DAPK1: variants seen among roughly 807,000 people sequenced by gnomAD.
DAPK1 encodes death associated protein kinase 1.
In DAPK1, 56 loss-of-function variants were observed where a neutral mutation model predicts 144.9. The observed-to-expected ratio is 0.39, with a 90% confidence interval of 0.31 to 0.48. The LOEUF is 0.48. Among genes scored for constraint, DAPK1 ranks in the 20% least tolerant of loss-of-function variants. The pLI is 0.95. For synonymous variants in DAPK1, 690 were observed against 749.0 expected (o/e 0.92, Z 1.29); for missense variants, 1,454 against 1,875.4 (o/e 0.78, Z 4.15).
chr9:87,646,089 C>A, intron 12 of DAPK1, 75 bp downstream of exon 12: 3 of 1,520,762 alleles, frequency 2.0e-6, no homozygotes, highest in Non-Finnish European at 2.7e-6. Context: ...AGGAAAGACC[C>A]CATCTGCTTC....
chr9:87,637,810 C>A, intron 3 of DAPK1, 133 bp from the exon 4 acceptor site: 1 of 966,908 alleles, frequency 1.0e-6, no homozygotes, highest in Non-Finnish European at 1.5e-6. Flanking sequence ...AATTCTGAAT[C>A]CATGCTTGGC....
intron 3 of DAPK1, chr9:87,632,656 C>T: frequency 2.1e-6 from 2 of 946,336 alleles, no homozygotes; most frequent in Non-Finnish European, 2.5e-6. Flanking sequence ...GGATGAGTAC[C>T]TGTGTAGAAA....
At chr9:87,609,758 A>G (rs889298296) in intron 3 of DAPK1, among the ~76,000 whole-genome samples, 21 of 152,328 alleles carry the variant, frequency 1.4e-4, no homozygotes, top group Admixed American at 1.0e-3. Flanking sequence ...AGGAGGTAAT[A>G]GTGGCTGTGT....
At chr9:87,571,476 A>ACACACACCCCAACACAC (rs771023885) in intron 2 of DAPK1, among the ~76,000 whole-genome samples, 1 of 48,548 alleles carries the variant, frequency 2.1e-5, no homozygotes, top group Non-Finnish European at 3.7e-5. Context: ...CACACACACC[A>ACACACACCCCAACACAC]ACACACACAC....
chr9:87,589,205 G>A lies in DAPK1; in HGVS notation c.63-15749G>A, dbSNP rs372136927. 1.7e-3 allele frequency among the ~76,000 whole-genome samples: 259 copies of A among 151,894 alleles called. 1 individual carries two copies. The highest frequency in any genetic ancestry group is 6.0e-3 in the African/African-American group (250 of 41,428). On this transcript the variant is annotated intron_variant, in intron 2 of 25. Transcript: ENST00000408954. ...ATTACAGGCGTGAGCCACCGCAACC[G>A]GCCAGTACAGAGCATCTTAAGGTTG...
At chr9:87,664,484 C>T (rs1436339157) in intron 18 of DAPK1, among the ~76,000 whole-genome samples, 1 of 152,184 alleles carries the variant, frequency 6.6e-6, no homozygotes, top group Non-Finnish European at 1.5e-5. Flanking sequence ...TCCGTGGCAC[C>T]CACTCCTCCT....
intron 2 of DAPK1, among the ~76,000 whole-genome samples, chr9:87,587,041 C>T (rs917809976): frequency 6.6e-6 from 1 of 152,176 alleles, no homozygotes; most frequent in East Asian, 1.9e-4. Context: ...ATATCCTTAG[C>T]AAGATCAAAC....
At chr9:87,661,156 G>A (rs1830833082) in intron 18 of DAPK1, among the ~76,000 whole-genome samples, 1 of 152,178 alleles carries the variant, frequency 6.6e-6, no homozygotes, top group South Asian at 2.1e-4. Context: ...TTTTCTTAAT[G>A]GCCAAGTAGT....
intron 3 of DAPK1, among the ~76,000 whole-genome samples, chr9:87,610,044 C>A (rs924087706): frequency 2.0e-5 from 3 of 152,146 alleles, no homozygotes; most frequent in Non-Finnish European, 4.4e-5. Context: ...CTTTGCTGTC[C>A]TTTGTACAGA....
At chr9:87,522,433 C>A (rs1265428106) in intron 2 of DAPK1, among the ~76,000 whole-genome samples, 4 of 152,044 alleles carry the variant, frequency 2.6e-5, no homozygotes, top group African/African-American at 9.7e-5. Context: ...CATTGTTCTG[C>A]CTTTGGCTTT....
intron 2 of DAPK1, among the ~76,000 whole-genome samples, chr9:87,537,843 A>C (rs1406139123): frequency 1.3e-5 from 2 of 152,202 alleles, no homozygotes; most frequent in Middle Eastern, 3.2e-3. Flanking sequence ...CATAAAATCA[A>C]GCCCCTAAAG....
At chr9:87,645,836 G>C in intron 11 of DAPK1, 59 bp from the exon 12 acceptor site, 1 of 1,593,076 alleles carries the variant, frequency 6.3e-7, no homozygotes, top group South Asian at 1.1e-5. Context: ...CTTTTATGTT[G>C]GTAAGAAAAG....
chr9:87,683,077 T>TTTTA (rs201331358), intron 20 of DAPK1, among the ~76,000 whole-genome samples: 14 of 108,188 alleles, frequency 1.3e-4, no homozygotes, highest in South Asian at 7.6e-4. Flanking sequence ...AAAAAATTTA[T>TTTTA]TTTATTTATT....
chr9:87,591,907 A>G (rs186709558), intron 2 of DAPK1, among the ~76,000 whole-genome samples: 15 of 152,324 alleles, frequency 9.8e-5, no homozygotes, highest in African/African-American at 2.6e-4. Flanking sequence ...GCAGAGCCCT[A>G]TGGAAGTCAG....
intron 2 of DAPK1, among the ~76,000 whole-genome samples, chr9:87,585,649 C>T (rs951815171): frequency 1.3e-5 from 2 of 152,206 alleles, no homozygotes; most frequent in Non-Finnish European, 2.9e-5. Context: ...ATCTGAGTGA[C>T]TTCACAACTA....
intron 17 of DAPK1, among the ~76,000 whole-genome samples, chr9:87,653,369 C>CT (rs1361274791): frequency 2.0e-4 from 31 of 152,338 alleles, no homozygotes; most frequent in Admixed American, 1.8e-3. Context: ...TGGACATGTA[C>CT]TTTTTTATAG....
At chr9:87,699,963 C>A (rs1476826491) in intron 23 of DAPK1, among the ~76,000 whole-genome samples, 154 bp from the exon 24 acceptor site, 1 of 152,150 alleles carries the variant, frequency 6.6e-6, no homozygotes, top group African/African-American at 2.4e-5. Context: ...GAGGCAGAGC[C>A]CACCAACAGC....
At chr9:87,543,255 C>T (rs989423767) in intron 2 of DAPK1, among the ~76,000 whole-genome samples, 1 of 152,172 alleles carries the variant, frequency 6.6e-6, no homozygotes, top group Non-Finnish European at 1.5e-5. Context: ...GCTCTTACCA[C>T]AGTAGAGGAG....
At chr9:87,564,204 T>G (rs1827033325) in intron 2 of DAPK1, among the ~76,000 whole-genome samples, 2 of 152,190 alleles carry the variant, frequency 1.3e-5, no homozygotes, top group Non-Finnish European at 2.9e-5. Context: ...ATTTTCTCTC[T>G]ACTGGCTCTT....
Sources: allele counts gnomAD v4.1 joint callset (sites outside exome capture counted in the v4.1 genomes callset), GRCh38; gene constraint gnomAD v4.1.1; transcripts MANE v1.5; gene names NCBI Gene and HGNC (gene_info 2026-07-23, HGNC 2026-07-21).